Variants in ECHDC2 observed in about 807,000 individuals in gnomAD.
ECHDC2 encodes enoyl-CoA hydratase domain containing 2, also known as enoyl-CoA hydratase domain-containing protein 2, mitochondrial.
ECHDC2 carries 34 observed loss-of-function variants against 40.6 expected under a neutral mutation model. The ratio of observed to expected loss-of-function variants is 0.84; its 90% confidence interval spans 0.64 to 1.11. The LOEUF (loss-of-function observed/expected upper bound fraction) is 1.11. Among genes scored for constraint, ECHDC2 ranks in the 50% most tolerant of loss-of-function variants. The pLI is 0.00. For synonymous variants in ECHDC2, 162 were observed against 166.6 expected (o/e 0.97, Z 0.21); for missense variants, 392 against 400.7 (o/e 0.98, Z 0.19).
At chr1:52,912,118 G>T in intron 1 of ECHDC2, 3 of 974,568 alleles carry the variant, frequency 3.1e-6, no homozygotes, top group Non-Finnish European at 4.0e-6. Context: ...ACACACACAA[G>T]CACACATGCA....
intron 7 of ECHDC2, among the ~76,000 whole-genome samples, chr1:52,902,585 A>C (rs570026956): frequency 6.6e-6 from 1 of 152,232 alleles, no homozygotes; most frequent in South Asian, 2.1e-4. Context: ...CCACCATGCT[A>C]AGCCAAAATG....
At chr1:52,917,763 C>CTATGG (rs1274606496) in intron 1 of ECHDC2, 1 of 416,716 alleles carries the variant, frequency 2.4e-6, no homozygotes, top group African/African-American at 2.0e-5. Context: ...GACACCATAG[C>CTATGG]TGTCATAACA....
At chr1:52,897,602 G>T in intron 8 of ECHDC2, 118 bp from the exon 9 acceptor site, 1 of 966,742 alleles carries the variant, frequency 1.0e-6, no homozygotes, top group South Asian at 1.3e-5. Flanking sequence ...CTATGAGAAG[G>T]AATTTCCCTC....
At chr1:52,904,058 C>T (rs1647194379) in intron 7 of ECHDC2, among the ~76,000 whole-genome samples, 3 of 152,096 alleles carry the variant, frequency 2.0e-5, no homozygotes, top group South Asian at 2.1e-4. Flanking sequence ...CCTCGTGATA[C>T]ACCCGCCTCA....
intron 8 of ECHDC2, chr1:52,898,957 C>G (rs1215068956): frequency 1.6e-6 from 1 of 632,178 alleles, no homozygotes. Context: ...CATCCTCTCT[C>G]CAAGGGAGAA....
In ECHDC2 at chr1:52,904,729, C is replaced by T; in HGVS notation, c.619G>A (p.Val207Met). 2.5e-6 allele frequency: 4 copies of T among 1,612,934 alleles called. No homozygotes were observed. Among genetic ancestry groups the T allele is most frequent in the Non-Finnish European group, 3.4e-6 (4 of 1,180,000 alleles). Residue 207 changes from valine to methionine, a missense_variant, in exon 7 of 10, where the codon GTG becomes ATG. Transcript: ENST00000371522. ...TCGTTCTGGGCCACAGCGTGATTCACCAGCCCCAGTACGTGGGCCTCAGTT... is the reference window on the plus strand; with the variant it reads ...TCGTTCTGGGCCACAGCGTGATTCATCAGCCCCAGTACGTGGGCCTCAGTT... ...SGTEAHVLGL[V>M]NHAVAQNEEG...
At chr1:52,918,104 G>C (rs1406107593) in intron 1 of ECHDC2, among the ~76,000 whole-genome samples, 2 of 152,138 alleles carry the variant, frequency 1.3e-5, no homozygotes, top group Non-Finnish European at 2.9e-5. Context: ...ATATTGGACA[G>C]CCTTGACCTC....
At chr1:52,899,001 T>A (rs936672127) in intron 8 of ECHDC2, 173 bp downstream of exon 8, 27 of 711,792 alleles carry the variant, frequency 3.8e-5, no homozygotes, top group Non-Finnish European at 6.7e-5. Flanking sequence ...TAATACTGTC[T>A]GGCCAATTTG....
intron 7 of ECHDC2, chr1:52,900,732 A>T (rs951443370): frequency 1.3e-5 from 2 of 152,146 alleles, no homozygotes; most frequent in Non-Finnish European, 2.9e-5. Flanking sequence ...CACTTTTAAA[A>T]CTGGGGTAGT....
At chr1:52,921,743 A>AC (rs1651956645), upstream of ECHDC2, 3 of 1,424,210 alleles carry the variant, frequency 2.1e-6, no homozygotes, top group Admixed American at 6.0e-5. Context: ...GAGAGCTCGC[A>AC]GTTCCGGCGT....
At chr1:52,908,867 G>A (rs1571959686) in intron 3 of ECHDC2, among the ~76,000 whole-genome samples, 1 of 149,000 alleles carries the variant, frequency 6.7e-6, no homozygotes, top group Non-Finnish European at 1.5e-5. Flanking sequence ...GTGAGCCCAG[G>A]AGGCAGAGGT....
chr1:52,906,399 A>C, intron 5 of ECHDC2, 120 bp downstream of exon 5: 1 of 861,540 alleles, frequency 1.2e-6, no homozygotes, highest in Non-Finnish European at 1.9e-6. Flanking sequence ...GCCTTGCCTT[A>C]GTTTTGCTTT....
intron 8 of ECHDC2, 60 bp downstream of exon 8, chr1:52,899,114 A>G (rs1439818650): frequency 2.8e-5 from 44 of 1,551,666 alleles, no homozygotes; most frequent in Non-Finnish European, 6.2e-6. Flanking sequence ...CTCTGAAAGC[A>G]CTGTGTCCCA....
intron 1 of ECHDC2, chr1:52,912,209 GTTTTTT>G: frequency 6.4e-6 from 1 of 156,952 alleles, no homozygotes; most frequent in Non-Finnish European, 1.2e-5. Context: ...GAGTTTTGCT[GTTTTTT>G]TTTTTTTTTT....
rs1650402019 is a variant in ECHDC2, at chr1:52,915,148, G to A, written c.122-3358C>T. 3 of 453,100 alleles carry A rather than the reference G, an allele frequency of 6.6e-6. No homozygotes were observed. In the Admixed American group the frequency reaches 7.1e-5, roughly 11 times the overall value. 28.1% of individuals were successfully genotyped at this position (453,100 alleles called of 1,614,324 possible). On this transcript the variant is annotated intron_variant, in intron 1 of 9. Transcript: ENST00000371522. ...GCTCACACCCTTATCATCCCTTCTA[G>A]GCTGTTTCTCCTCCTACGAAAAATC...
chr1:52,910,352 G>GC (rs1649094598), intron 3 of ECHDC2, among the ~76,000 whole-genome samples: 6 of 32,064 alleles, frequency 1.9e-4, no homozygotes, highest in African/African-American at 6.5e-4. Context: ...CCACAATTTC[G>GC]TTTTTTTTTT....
At chr1:52,899,295 C>T in intron 7 of ECHDC2, 71 bp from the exon 8 acceptor site, 1 of 1,488,788 alleles carries the variant, frequency 6.7e-7, no homozygotes, top group Non-Finnish European at 9.3e-7. Context: ...AGGTGCACAG[C>T]TTTGTTTTAA....
intron 1 of ECHDC2, among the ~76,000 whole-genome samples, chr1:52,912,434 C>T (rs1344705481): frequency 6.6e-6 from 1 of 152,142 alleles, no homozygotes; most frequent in African/African-American, 2.4e-5. Flanking sequence ...TCTCAAACTC[C>T]TGAGCTCGAG....
chr1:52,904,362 A>C (rs1472478997), intron 7 of ECHDC2, among the ~76,000 whole-genome samples: 1 of 152,240 alleles, frequency 6.6e-6, no homozygotes, highest in Non-Finnish European at 1.5e-5. Context: ...CTGGATAAGC[A>C]CAAGTATAGA....
Sources: allele counts gnomAD v4.1 joint callset (sites outside exome capture counted in the v4.1 genomes callset), GRCh38; gene constraint gnomAD v4.1.1; transcripts MANE v1.5; gene names NCBI Gene and HGNC (gene_info 2026-07-23, HGNC 2026-07-21).